Variants in ME3 observed in about 807,000 individuals in gnomAD.
ME3 encodes the protein NADP-dependent malic enzyme, mitochondrial.
Under a neutral mutation model 68.9 loss-of-function variants are expected in ME3, and 48 were observed. That is an observed-to-expected ratio of 0.70 (90% CI 0.55 to 0.89). The LOEUF is 0.89. ME3 is among the 40% of genes least tolerant of loss of function. The probability of loss-of-function intolerance (pLI) is 0.00; values close to 1 mark genes in which losing one functional copy is unlikely to be tolerated. For synonymous variants in ME3, 320 were observed against 318.8 expected (o/e 1.00, Z -0.04); for missense variants, 675 against 797.4 (o/e 0.85, Z 1.85).
chr11:86,473,173 A>G (rs1275026829), intron 7 of ME3, among the ~76,000 whole-genome samples: 1 of 145,338 alleles, frequency 6.9e-6, no homozygotes, highest in Non-Finnish European at 1.5e-5. Context: ...AGTCCAGCCA[A>G]GGATAGCGAG....
intron 13 of ME3, among the ~76,000 whole-genome samples, chr11:86,446,001 T>C (rs1397517037): frequency 6.6e-6 from 1 of 152,082 alleles, no homozygotes; most frequent in African/African-American, 2.4e-5. Flanking sequence ...TTTGATGGCA[T>C]CTCTTCTGTC....
intron 2 of ME3, among the ~76,000 whole-genome samples, chr11:86,615,759 T>C (rs1031600433): frequency 3.9e-5 from 6 of 152,218 alleles, no homozygotes; most frequent in African/African-American, 1.4e-4. Flanking sequence ...GAGGGTGCTA[T>C]GGCTTAGGGG....
At chr11:86,558,908 A>G (rs995216513) in intron 3 of ME3, among the ~76,000 whole-genome samples, 2 of 152,304 alleles carry the variant, frequency 1.3e-5, no homozygotes, top group Non-Finnish European at 2.9e-5. Context: ...AAGAGGTAGA[A>G]TATAGATTTG....
chr11:86,477,385 G>A (rs1389561396), intron 7 of ME3, among the ~76,000 whole-genome samples: 4 of 152,168 alleles, frequency 2.6e-5, no homozygotes, highest in African/African-American at 9.7e-5. Flanking sequence ...TCATACAGTT[G>A]TTGTGAGAAT....
chr11:86,578,488 C>T (rs554387000), intron 2 of ME3, among the ~76,000 whole-genome samples: 5 of 152,174 alleles, frequency 3.3e-5, no homozygotes, highest in South Asian at 2.1e-4. Context: ...AATAAGTGGG[C>T]GGGGTGCCAG....
chr11:86,562,863 A>G (rs1957305305), intron 2 of ME3, among the ~76,000 whole-genome samples: 1 of 151,702 alleles, frequency 6.6e-6, no homozygotes, highest in African/African-American at 2.4e-5. Context: ...TATTGTTCCC[A>G]TGTTTAAGTC....
Position 86,480,164 on chromosome 11 carries a change from T to C in ME3, c.809+7173A>G, listed in dbSNP as rs77833534. On this transcript the variant is annotated intron_variant, in intron 7 of 14. Coordinates refer to ENST00000543262, the Ensembl canonical transcript of ME3. ...TTTTGAATCTCATTACAGTGCCTAGTAGAATGTTGGATATGTAGTCATTAT... is the reference window on the plus strand; with the variant it reads ...TTTTGAATCTCATTACAGTGCCTAGCAGAATGTTGGATATGTAGTCATTAT... Among the ~76,000 whole-genome samples, 928 of 152,316 alleles carry C rather than the reference T, an allele frequency of 6.1e-3. 8 individuals carry two copies. The highest frequency in any genetic ancestry group is 0.021 in the African/African-American group (890 of 41,560).
At chr11:86,538,382 G>A (rs1040858749) in intron 4 of ME3, among the ~76,000 whole-genome samples, 4 of 152,054 alleles carry the variant, frequency 2.6e-5, no homozygotes, top group Non-Finnish European at 5.9e-5. Context: ...ACTGTTGTAT[G>A]ATTCAAAGAT....
At chr11:86,505,273 C>A (rs1306996903) in intron 5 of ME3, among the ~76,000 whole-genome samples, 2 of 151,828 alleles carry the variant, frequency 1.3e-5, no homozygotes, top group Admixed American at 6.6e-5. Flanking sequence ...GGGGGAGGAA[C>A]CTCCAGAAAA....
chr11:86,600,572 G>T (rs917908096), intron 2 of ME3, among the ~76,000 whole-genome samples: 95 of 150,360 alleles, frequency 6.3e-4, no homozygotes, highest in African/African-American at 2.2e-3. Flanking sequence ...GGATACCCAG[G>T]AATTGAACTC....
At chr11:86,534,624 G>A (rs1023840340) in intron 4 of ME3, among the ~76,000 whole-genome samples, 19 of 152,078 alleles carry the variant, frequency 1.2e-4, no homozygotes, top group African/African-American at 3.4e-4. Flanking sequence ...GCAGTGAGCC[G>A]AGATCATGCC....
chr11:86,481,343 G>A (rs529996983), intron 7 of ME3, among the ~76,000 whole-genome samples: 9 of 151,506 alleles, frequency 5.9e-5, no homozygotes, highest in East Asian at 5.8e-4. Flanking sequence ...GTGAGCCACT[G>A]TGCTCAGCCG....
chr11:86,614,365 C>A (rs1942806504), intron 2 of ME3, among the ~76,000 whole-genome samples: 1 of 152,174 alleles, frequency 6.6e-6, no homozygotes, highest in Non-Finnish European at 1.5e-5. Flanking sequence ...TCATTTCAGC[C>A]AGTTAAAACG....
intron 7 of ME3, 48 bp downstream of exon 7, chr11:86,487,289 G>A: frequency 6.8e-7 from 1 of 1,469,972 alleles, no homozygotes; most frequent in Non-Finnish European, 9.5e-7. Flanking sequence ...TTTAGTCACG[G>A]CATCTCTTAA....
intron 4 of ME3, among the ~76,000 whole-genome samples, chr11:86,516,799 G>A (rs1953933613): frequency 6.6e-6 from 1 of 152,146 alleles, no homozygotes; most frequent in African/African-American, 2.4e-5. Flanking sequence ...CTGATTCATG[G>A]CTTTCACATT....
intron 4 of ME3, among the ~76,000 whole-genome samples, chr11:86,510,619 C>G (rs538117585): frequency 6.6e-6 from 1 of 152,088 alleles, no homozygotes; most frequent in Admixed American, 6.6e-5. Flanking sequence ...GTGTGGTTGT[C>G]CTGCACATTG....
At chr11:86,499,769 A>C (rs1355212574) in intron 5 of ME3, among the ~76,000 whole-genome samples, 1 of 152,238 alleles carries the variant, frequency 6.6e-6, no homozygotes, top group African/African-American at 2.4e-5. Flanking sequence ...ACTGCATCTC[A>C]TGTGACCTTC....
At chr11:86,523,431 G>A (rs1446755134) in intron 4 of ME3, among the ~76,000 whole-genome samples, 1 of 152,166 alleles carries the variant, frequency 6.6e-6, no homozygotes, top group Non-Finnish European at 1.5e-5. Context: ...GGTGATGATT[G>A]TAAAACACTA....
At chr11:86,651,477 C>G (rs966573500) in intron 2 of ME3, among the ~76,000 whole-genome samples, 11 of 152,240 alleles carry the variant, frequency 7.2e-5, no homozygotes, top group Admixed American at 5.2e-4. Context: ...GATACCCAGG[C>G]AAACAGCGTC....
Sources: gnomAD v4.1 joint callset for allele counts (sites outside exome capture counted in the v4.1 genomes callset) on GRCh38, gnomAD v4.1.1 for gene constraint, MANE v1.5 for transcripts, NCBI Gene and HGNC (gene_info 2026-07-23, HGNC 2026-07-21) for gene names.